Variants in ITGA11 observed in about 807,000 individuals in gnomAD.
ITGA11 encodes the protein integrin alpha-11.
In ITGA11, 97 loss-of-function variants were observed where a neutral mutation model predicts 141.9. The ratio of observed to expected loss-of-function variants is 0.68; its 90% CI spans 0.58 to 0.81. ITGA11 has a LOEUF of 0.81. Among genes scored for constraint, ITGA11 ranks in the 30% least tolerant of loss-of-function variants. The pLI is 0.00. For missense variants in ITGA11, 1,387 were observed against 1,559.2 expected, an observed-to-expected ratio of 0.89 and a Z score of 1.86; for synonymous variants, 658 against 624.6, an observed-to-expected ratio of 1.05 and a Z score of -0.80.
In ITGA11 at chr15:68,304,353, G is replaced by A. The variant is rs1893123505; in HGVS notation, c.3382-468C>T. Among the ~76,000 whole-genome samples, 1 of 152,148 alleles carries A rather than the reference G, an allele frequency of 6.6e-6. No individual in the cohort carries two copies. ...GTGCCAAGGCCCATAACACTTTTAGGAGCCCATGAAAATGTTTACATTTCT... is the reference window on the plus strand; with the variant it reads ...GTGCCAAGGCCCATAACACTTTTAGAAGCCCATGAAAATGTTTACATTTCT... On this transcript the variant is annotated intron_variant, in intron 28 of 29. Transcript: ENST00000315757. The surrounding 1 kb of genome is among the most constrained non-coding windows in gnomAD (Gnocchi z 6.1).
intron 1 of ITGA11, among the ~76,000 whole-genome samples, chr15:68,421,609 C>T (rs1268056104): frequency 6.6e-6 from 1 of 150,674 alleles, no homozygotes; most frequent in African/African-American, 2.4e-5. Context: ...CTCGTGTAAC[C>T]TGCCTTCTGG....
At chr15:68,415,444 AC>A (rs1374649457) in intron 1 of ITGA11, among the ~76,000 whole-genome samples, 4 of 152,232 alleles carry the variant, frequency 2.6e-5, no homozygotes, top group African/African-American at 4.8e-5. Flanking sequence ...TTTCAGCAGC[AC>A]GGGGGGCTTC....
chr15:68,321,502 A>G lies in ITGA11; in HGVS notation c.2324T>C (p.Val775Ala). 1 of 1,595,802 alleles carries G rather than the reference A, an allele frequency of 6.3e-7. No homozygotes were observed. The highest frequency in any genetic ancestry group is 8.5e-7 in the Non-Finnish European group (1 of 1,171,104). ...CTCATTGCAGCCGTTCCAGAAGGGC[A>G]CCTGGGCCAGGGAGAGCCAGGTGTG... ...DGWPTTLRVS[V>A]PFWNGCNEDE... Residue 775 changes from valine (V) to alanine (A), a missense_variant and splice_region_variant, in exon 19 of 30, where the codon GTG becomes GCG. Val to Ala is a moderately conservative substitution (Grantham distance 64). Coordinates refer to ENST00000315757, the MANE Select transcript of ITGA11 (RefSeq NM_001004439.2). This position sits in a 1 kb window ranked among gnomAD's most constrained non-coding sequence, Gnocchi z 4.9.
Position 68,432,112 on chromosome 15 carries a change from G to T in ITGA11, c.-46C>A, listed in dbSNP as rs763065138. Reference sequence around the variant, plus strand: ...GGTCCGGTGTGCAGCGGCGGCGGGGGGCGGCAAGCCAGAGCGGCAGCCTCC... The same window carrying T: ...GGTCCGGTGTGCAGCGGCGGCGGGGTGCGGCAAGCCAGAGCGGCAGCCTCC... On this transcript the variant is annotated 5_prime_UTR_variant, in exon 1 of 30. Transcript: ENST00000315757. The T allele has an allele frequency of 3.7e-6, 5 of 1,340,872 alleles. No homozygotes were observed. Among genetic ancestry groups the T allele is most frequent in the Non-Finnish European group, 1.9e-6 (2 of 1,045,124 alleles). The allele number at this position is 1,340,872 out of a possible 1,614,324, so 83.1% of individuals were successfully genotyped here.
At chr15:68,427,647 C>T (rs140122237) in intron 1 of ITGA11, among the ~76,000 whole-genome samples, 105 of 152,278 alleles carry the variant, frequency 6.9e-4, no homozygotes, top group African/African-American at 2.4e-3. Context: ...TTGCAGCTCA[C>T]TTATTTTAGA....
Position 68,315,726 on chromosome 15 carries a change from A to T in ITGA11, c.2717T>A (p.Val906Glu). 1.2e-6 allele frequency: 2 copies of T among 1,610,054 alleles called. No individual in the cohort carries two copies. The highest frequency in any genetic ancestry group is 1.7e-6 in the Non-Finnish European group (2 of 1,177,996). The change falls in exon 22 of 30, where the codon GTG becomes GAG. Residue 906 changes from valine (V) to glutamate (E), a missense_variant and splice_region_variant. By Grantham distance (121) the Val-to-Glu change is moderately radical. Transcript: ENST00000315757. ...SYPFFRAKAK[V>E]AFRLDFEFSK... ...GAACTCAAAATCAAGACGGAAAGCC[A>T]CCTGCAAGGAAGCAGTCGCATGTCT...
At position 68,324,153 on chromosome 15, in the gene ITGA11, GA is replaced by G. The variant is rs1893895887; in HGVS notation, c.2322+977del. The stretch of plus-strand genomic sequence containing the variant: ...TTAGGAGAAAGAGGGGAGGTGTGAG[GA>G]CGGAGGTTTGGCAGGGGACTGTGGG... On this transcript the variant is annotated intron_variant, in intron 18 of 29. Transcript: ENST00000315757. This position sits in a 1 kb window ranked among gnomAD's most constrained non-coding sequence, Gnocchi z 6.3. Among the ~76,000 whole-genome samples the G allele has an allele frequency of 6.6e-6, 1 of 151,996 alleles. No homozygotes were observed. The highest frequency in any genetic ancestry group is 2.1e-4 in the South Asian group (1 of 4,808).
chr15:68,329,579 G>A (rs981484681), intron 15 of ITGA11, among the ~76,000 whole-genome samples: 3 of 152,192 alleles, frequency 2.0e-5, no homozygotes, highest in Non-Finnish European at 4.4e-5. Context: ...CTTGAGGGGT[G>A]TGTGTGCACA....
chr15:68,378,526 C>A (rs963177222), intron 2 of ITGA11, among the ~76,000 whole-genome samples: 2 of 149,348 alleles, frequency 1.3e-5, no homozygotes, highest in Non-Finnish European at 3.0e-5. Flanking sequence ...GCCTGTAGTC[C>A]CAGCTACTCA....
chr15:68,303,747 T>G lies in ITGA11; in HGVS notation c.3495+25A>C, dbSNP rs1316202991. 3 of 1,528,750 alleles carry G rather than the reference T, an allele frequency of 2.0e-6. No homozygotes were observed. Among genetic ancestry groups the G allele is most frequent in the Non-Finnish European group, 2.7e-6 (3 of 1,106,588 alleles). The allele number at this position is 1,528,750 out of a possible 1,614,324, so 94.7% of individuals were successfully genotyped here. On this transcript the variant is annotated intron_variant, in intron 29 of 29. Coordinates refer to ENST00000315757, the MANE Select transcript of ITGA11 (RefSeq NM_001004439.2). This position sits in a 1 kb window ranked among gnomAD's most constrained non-coding sequence, Gnocchi z 5.3. Reference sequence around the variant, plus strand: ...GGCCCACCAGCCAGGATGCTGCTCCTTCCCTCCCCTGCCAGGGCCCTCACC... The same window carrying G: ...GGCCCACCAGCCAGGATGCTGCTCCGTCCCTCCCCTGCCAGGGCCCTCACC...
intron 2 of ITGA11, among the ~76,000 whole-genome samples, chr15:68,372,341 C>T (rs1895614418): frequency 6.6e-6 from 1 of 152,042 alleles, no homozygotes. Flanking sequence ...CCCCCTGCAG[C>T]CTCAGGCTTA....
chr15:68,431,536 G>T (rs1193158704), intron 1 of ITGA11, among the ~76,000 whole-genome samples: 1 of 152,162 alleles, frequency 6.6e-6, no homozygotes. Flanking sequence ...GCCCTCCGGG[G>T]CCGCCGCGCC....
chr15:68,364,439 C>T (rs992052876), intron 4 of ITGA11, among the ~76,000 whole-genome samples: 3 of 152,208 alleles, frequency 2.0e-5, no homozygotes, highest in African/African-American at 4.8e-5. Context: ...CTCCCTCCTT[C>T]GGGATATGCA....
In ITGA11 at chr15:68,321,522, G is replaced by C. The variant is rs1893813012; in HGVS notation, c.2323-19C>G. The C allele has an allele frequency of 3.2e-6, 5 of 1,573,230 alleles. No individual in the cohort carries two copies. The highest frequency in any genetic ancestry group is 4.3e-6 in the Non-Finnish European group (5 of 1,155,308). ...AGGGCACCTGGGCCAGGGAGAGCCA[G>C]GTGTGGGCAGCTGGGTAGGGACCCG... On this transcript the variant is annotated intron_variant, in intron 18 of 29. Transcript: ENST00000315757. This position sits in a 1 kb window ranked among gnomAD's most constrained non-coding sequence, Gnocchi z 4.9.
At chr15:68,396,962 A>G (rs28768146) in intron 2 of ITGA11, among the ~76,000 whole-genome samples, 1 of 5,514 alleles carries the variant, frequency 1.8e-4, no homozygotes, top group African/African-American at 8.4e-4. Context: ...TTTATTATAT[A>G]ATAAATAATA....
At chr15:68,369,144 C>A (rs1372631619) in intron 3 of ITGA11, 40 bp downstream of exon 3, 3 of 1,451,432 alleles carry the variant, frequency 2.1e-6, no homozygotes, top group Non-Finnish European at 2.9e-6. Flanking sequence ...TGTTAGACAA[C>A]CGCTGGCCTC....
intron 1 of ITGA11, among the ~76,000 whole-genome samples, chr15:68,424,883 T>G (rs1484723498): frequency 6.6e-6 from 1 of 152,238 alleles, no homozygotes; most frequent in Non-Finnish European, 1.5e-5. Flanking sequence ...CAGAAGTATC[T>G]TAATTCCATG....
Position 68,325,245 on chromosome 15 carries a change from G to A in ITGA11, c.2212-4C>T. The A allele has an allele frequency of 3.7e-6, 6 of 1,606,344 alleles. No homozygotes were observed. The highest frequency in any genetic ancestry group is 1.7e-4 in the Middle Eastern group (1 of 6,054). On this transcript the variant is annotated splice_region_variant and splice_polypyrimidine_tract_variant and intron_variant, in intron 17 of 29. Transcript: ENST00000315757. The surrounding 1 kb of genome is among the most constrained non-coding windows in gnomAD (Gnocchi z 5.5). Reference sequence around the variant, plus strand: ...GCTTCACGTAGTCAGCAGTGTCCTGGGGGGTGGAGATGAGGGCAGCGGTGA... The same window carrying A: ...GCTTCACGTAGTCAGCAGTGTCCTGAGGGGTGGAGATGAGGGCAGCGGTGA...
intron 5 of ITGA11, among the ~76,000 whole-genome samples, chr15:68,361,302 C>G (rs1333470569): frequency 1.3e-5 from 2 of 152,150 alleles, no homozygotes; most frequent in Non-Finnish European, 2.9e-5. Flanking sequence ...AGGTAACCTC[C>G]TATATACCCA....
Sources: allele counts gnomAD v4.1 joint callset (sites outside exome capture counted in the v4.1 genomes callset), GRCh38; gene constraint gnomAD v4.1.1; non-coding constraint Gnocchi (gnomAD v3.1); transcripts MANE v1.5; gene names NCBI Gene and HGNC (gene_info 2026-07-23, HGNC 2026-07-21).